The following PRDM9 variants were observed in gnomAD, a reference collection of about 807,000 sequenced individuals.
PRDM9 encodes histone-lysine N-methyltransferase PRDM9.
Under a neutral mutation model 55.6 loss-of-function variants are expected in PRDM9, and 47 were observed. The observed-to-expected ratio is 0.85, with a 90% CI of 0.67 to 1.08. The LOEUF (loss-of-function observed/expected upper bound fraction) is 1.08. PRDM9 is among the 50% of genes least tolerant of loss of function. The pLI is 0.00. For synonymous variants in PRDM9, 312 were observed against 375.7 expected, an observed-to-expected ratio of 0.83 and a Z score of 1.96; for missense variants, 867 against 1,040.3, an observed-to-expected ratio of 0.83 and a Z score of 2.29.
rs761775892 is a variant in PRDM9 at position 23,527,320 on chromosome 5, G to C, written c.2232G>C (p.Gly744=). The change falls in exon 11 of 11, where the codon GGG becomes GGC. Residue 744 remains glycine (G), a synonymous_variant. Coordinates refer to ENST00000296682, the MANE Select transcript of PRDM9 (RefSeq NM_020227.4). ...TCAGACACCAGAGGACACACACAGG[G>C]GAGAAGCCCTATGTCTGCAGGGAGT... The part of the protein sequence containing the change: ...HLLRHQRTHT[G]EKPYVCRECG... 2.6e-6 allele frequency: 4 copies of C among 1,545,290 alleles called. No individual in the cohort carries two copies. Among genetic ancestry groups the C allele is most frequent in the Non-Finnish European group, 3.5e-6 (4 of 1,155,002 alleles).
chr5:23,512,978 T>C (rs1739129770), intron 4 of PRDM9, among the ~76,000 whole-genome samples: 1 of 152,232 alleles, frequency 6.6e-6, no homozygotes. Context: ...TAAGGCTGAA[T>C]AATATTCCAC....
chr5:23,510,152 T>C lies in PRDM9; in HGVS notation c.301+125T>C. 3 of 934,952 alleles carry C rather than the reference T, an allele frequency of 3.2e-6. No homozygotes were observed. The South Asian group carries it at 4.6e-5, about 14-fold the overall frequency. The allele number at this position is 934,952 out of a possible 1,614,324, so 57.9% of individuals were successfully genotyped here. On this transcript the variant is annotated intron_variant, in intron 4 of 10. Coordinates refer to ENST00000296682, the MANE Select transcript of PRDM9 (RefSeq NM_020227.4). ...TCACTGCAATCTCCACCTCCCAGGTTCAAGCGATTCTCCTGCCTCAGCCTC... is the reference window on the plus strand; with the variant it reads ...TCACTGCAATCTCCACCTCCCAGGTCCAAGCGATTCTCCTGCCTCAGCCTC...
At chr5:23,512,374 G>C (rs1372598318) in intron 4 of PRDM9, among the ~76,000 whole-genome samples, 2 of 152,046 alleles carry the variant, frequency 1.3e-5, no homozygotes, top group African/African-American at 2.4e-5. Flanking sequence ...GAAGTAAAAA[G>C]AGTCAATCTA....
chr5:23,525,959 T>C (rs1378104131), intron 10 of PRDM9, among the ~76,000 whole-genome samples: 1 of 152,072 alleles, frequency 6.6e-6, no homozygotes, highest in East Asian at 1.9e-4. Context: ...TCCATCTATG[T>C]AAGGAATGAC....
In PRDM9 at chr5:23,522,635, T is replaced by C; in HGVS notation, c.632T>C (p.Phe211Ser). 1 of 1,614,222 alleles carries C rather than the reference T, an allele frequency of 6.2e-7. No individual in the cohort carries two copies. Among genetic ancestry groups the C allele is most frequent in the Non-Finnish European group, 8.5e-7 (1 of 1,180,030 alleles). Residue 211 changes from phenylalanine (F) to serine (S), a missense_variant, in exon 8 of 11, where the codon TTC (phenylalanine) becomes TCC (serine). Around this residue, in one of 5 missense-constraint regions of PRDM9, gnomAD observed 662 missense variants for 711.9 expected, o/e 0.93. Transcript: ENST00000296682. ...DYLYCEMCQNFFIDSCAAHGP... is the reference protein window; with the variant it reads ...DYLYCEMCQNSFIDSCAAHGP... ...CCAGATTGTGAGATGTGTCAGAACTTCTTCATTGACAGCTGTGCTGCCCAT... is the reference window on the plus strand; with the variant it reads ...CCAGATTGTGAGATGTGTCAGAACTCCTTCATTGACAGCTGTGCTGCCCAT...
At chr5:23,511,477 C>T (rs1181872090) in intron 4 of PRDM9, among the ~76,000 whole-genome samples, 1 of 152,124 alleles carries the variant, frequency 6.6e-6, no homozygotes, top group Non-Finnish European at 1.5e-5. Context: ...TCCTGAATAG[C>T]TGGGACTACA....
chr5:23,524,204 C>T (rs375895746), intron 9 of PRDM9, 130 bp from the exon 10 acceptor site: 100 of 1,210,104 alleles, frequency 8.3e-5, no homozygotes, highest in South Asian at 2.2e-4. Flanking sequence ...AGAAGGTTCC[C>T]GGAGGAGTGG....
At chr5:23,523,145 T>C (rs918871095) in intron 8 of PRDM9, 146 bp from the exon 9 acceptor site, 2 of 1,110,520 alleles carry the variant, frequency 1.8e-6, no homozygotes, top group Admixed American at 2.0e-5. Context: ...GATGTGTAGA[T>C]AGATGATGAC....
intron 3 of PRDM9, 141 bp from the exon 4 acceptor site, chr5:23,509,779 G>A: frequency 1.5e-6 from 2 of 1,346,806 alleles, no homozygotes; most frequent in Non-Finnish European, 2.1e-6. Flanking sequence ...ACCATGCAGA[G>A]GTCACATCTT....
chr5:23,522,974 T>C (rs1739364442), intron 8 of PRDM9, 89 bp downstream of exon 8: 3 of 1,596,252 alleles, frequency 1.9e-6, no homozygotes, highest in African/African-American at 1.3e-5. Context: ...TGTTAGTATA[T>C]AGGTAAGGAT....
Position 23,526,801 on chromosome 5 carries a change from G to C in PRDM9, c.1713G>C (p.Gln571His). 1 of 1,587,836 alleles carries C rather than the reference G, an allele frequency of 6.3e-7. No homozygotes were observed. Residue 571 changes from glutamine to histidine, a missense_variant, in exon 11 of 11, where the codon CAG becomes CAC. Gln to His is a conservative substitution (Grantham distance 24). Around this residue, in one of 5 missense-constraint regions of PRDM9, gnomAD observed 662 missense variants for 711.9 expected, o/e 0.93. Coordinates refer to ENST00000296682, the MANE Select transcript of PRDM9 (RefSeq NM_020227.4). ...GGAAGTCACACCTCCTCATTCACCA[G>C]AGGATACACACAGGGGAGAAGCCCT... ...FSWKSHLLIH[Q>H]RIHTGEKPYV... is the part of the protein sequence containing the mutation.
At position 23,526,966 on chromosome 5, in the gene PRDM9, C is replaced by A. The variant is rs1253606936; in HGVS notation, c.1878C>A (p.His626Gln). 2.5e-6 allele frequency: 3 copies of A among 1,177,694 alleles called. No individual in the cohort carries two copies. Among genetic ancestry groups the A allele is most frequent in the South Asian group, 2.9e-5 (2 of 69,958 alleles). The allele number at this position is 1,177,694 out of a possible 1,614,324, so 73.0% of individuals were successfully genotyped here. The part of the protein sequence containing the change: ...GFSRQSVLLT[H>Q]QRRHTGEKPY... Reference sequence around the variant, plus strand: ...GCCGGCAGTCAGTCCTCCTCACTCACCAGAGGAGACACACAGGGGAGAAGC... The same window carrying A: ...GCCGGCAGTCAGTCCTCCTCACTCAACAGAGGAGACACACAGGGGAGAAGC... Residue 626 changes from histidine to glutamine, a missense_variant, in exon 11 of 11, where the codon CAC becomes CAA. His to Gln is a conservative substitution (Grantham distance 24). Around this residue, in one of 5 missense-constraint regions of PRDM9, gnomAD observed 27 missense variants for 50.0 expected, o/e 0.54. Transcript: ENST00000296682.
chr5:23,512,475 T>A (rs936664200), intron 4 of PRDM9, among the ~76,000 whole-genome samples: 5 of 152,126 alleles, frequency 3.3e-5, no homozygotes, highest in African/African-American at 9.7e-5. Context: ...CTGTAAGAGG[T>A]ATGAAAGGCC....
At chr5:23,523,915 A>G (rs531605057) in intron 9 of PRDM9, among the ~76,000 whole-genome samples, 5 of 152,226 alleles carry the variant, frequency 3.3e-5, no homozygotes, top group Non-Finnish European at 7.3e-5. Flanking sequence ...TCTGTCAAAG[A>G]AAGATGGACT....
Position 23,522,205 on chromosome 5 carries a change from G to T in PRDM9, c.509-99G>T, listed in dbSNP as rs1433375778. The T allele has an allele frequency of 9.5e-6, 10 of 1,047,506 alleles. No individual in the cohort carries two copies. The Admixed American group carries it at 1.7e-4, about 18-fold the overall frequency. 64.9% of individuals were successfully genotyped at this position (1,047,506 alleles called of 1,614,324 possible). A position where few individuals can be genotyped will look rare whatever the true frequency, so the allele number is the denominator to read the frequency against. ...AGGGGGACACTAGAGTATGTAGAAA[G>T]GTAGATGCCAATTTGATGGTAGATT... On this transcript the variant is annotated intron_variant, in intron 6 of 10. Coordinates refer to ENST00000296682, the MANE Select transcript of PRDM9 (RefSeq NM_020227.4).
intron 9 of PRDM9, 60 bp from the exon 10 acceptor site, chr5:23,524,274 T>C: frequency 6.3e-7 from 1 of 1,580,448 alleles, no homozygotes; most frequent in East Asian, 2.2e-5. Context: ...GGGCCATACC[T>C]GGATCTGATA....
intron 5 of PRDM9, among the ~76,000 whole-genome samples, chr5:23,518,434 CTTTTTA>C (rs1161958598): frequency 6.6e-6 from 1 of 152,156 alleles, no homozygotes; most frequent in East Asian, 1.9e-4. Context: ...GTCCAACTGA[CTTTTTA>C]ACCTCAGTTT....
At chr5:23,517,760 C>G (rs1454621529) in intron 4 of PRDM9, 121 bp from the exon 5 acceptor site, 2 of 1,002,400 alleles carry the variant, frequency 2.0e-6, no homozygotes, top group Non-Finnish European at 3.1e-6. Context: ...GCACTCCAGC[C>G]TGGGCGACAG....
chr5:23,524,229 G>A lies in PRDM9; in HGVS notation c.951-105G>A, dbSNP rs1293026089. The A allele has an allele frequency of 3.5e-6, 5 of 1,438,926 alleles. No individual in the cohort carries two copies. The African/African-American group carries it at 4.2e-5, about 12-fold the overall frequency. 89.1% of individuals were successfully genotyped at this position (1,438,926 alleles called of 1,614,324 possible). ...CGGAGGAGTGGTGGGGGAGTGGTCA[G>A]CACTAGACCATGGAGGCCTAGACCA... On this transcript the variant is annotated intron_variant, in intron 9 of 10. Transcript: ENST00000296682.
Sources: allele counts gnomAD v4.1 joint callset (sites outside exome capture counted in the v4.1 genomes callset), GRCh38; gene constraint gnomAD v4.1.1; regional missense constraint gnomAD v4.1.1; transcripts MANE v1.5; gene names NCBI Gene and HGNC (gene_info 2026-07-23, HGNC 2026-07-21).